The following B4GALT6 variants were observed in gnomAD, a reference collection of about 807,000 sequenced individuals.
B4GALT6 encodes beta-1,4-galactosyltransferase 6.
Under a neutral mutation model 46.3 loss-of-function variants are expected in B4GALT6, and 14 were observed. The observed-to-expected ratio is 0.30, with a 90% CI of 0.20 to 0.47. The LOEUF (loss-of-function observed/expected upper bound fraction) is 0.47. B4GALT6 is among the 20% of genes least tolerant of loss of function. The pLI, the probability that B4GALT6 is intolerant of heterozygous loss-of-function variation, is 0.99. For missense variants in B4GALT6, 386 were observed against 480.1 expected, an observed-to-expected ratio of 0.80 and a Z score of 1.83; for synonymous variants, 168 against 162.0, an observed-to-expected ratio of 1.04 and a Z score of -0.28.
intron 3 of B4GALT6, among the ~76,000 whole-genome samples, chr18:31,647,402 G>A (rs2074004027): frequency 6.6e-6 from 1 of 152,106 alleles, no homozygotes; most frequent in African/African-American, 2.4e-5. Flanking sequence ...AATAGAGAGG[G>A]CTTCCTCTGT....
chr18:31,665,618 T>C, intron 2 of B4GALT6, among the ~76,000 whole-genome samples: 1 of 152,146 alleles, frequency 6.6e-6, no homozygotes, highest in South Asian at 2.1e-4. Context: ...GATGGGCGCC[T>C]GTAATCCCAG....
the B4GALT6 span, among the ~76,000 whole-genome samples, chr18:31,691,728 A>G: frequency 6.6e-6 from 1 of 152,182 alleles, no homozygotes; most frequent in African/African-American, 2.4e-5. Context: ...TAATGAATTA[A>G]GATATAGGAT....
chr18:31,715,039 G>A, the B4GALT6 span, among the ~76,000 whole-genome samples: 1 of 152,158 alleles, frequency 6.6e-6, no homozygotes, highest in Non-Finnish European at 1.5e-5. Flanking sequence ...TATGCAATGT[G>A]TATTTTATCG....
chr18:31,650,435 A>G (rs2074050083), intron 3 of B4GALT6, among the ~76,000 whole-genome samples: 1 of 152,168 alleles, frequency 6.6e-6, no homozygotes, highest in South Asian at 2.1e-4. Context: ...TGGTCATATG[A>G]CCAAATGCAC....
chr18:31,662,193 C>G (rs192470947), intron 2 of B4GALT6, among the ~76,000 whole-genome samples: 1 of 152,160 alleles, frequency 6.6e-6, no homozygotes, highest in Admixed American at 6.5e-5. Context: ...CTTCAAGTTA[C>G]GCAATATCAT....
intron 3 of B4GALT6, 69 bp from the exon 4 acceptor site, chr18:31,645,548 A>C (rs562425613): frequency 1.3e-6 from 2 of 1,494,908 alleles, no homozygotes; most frequent in East Asian, 4.7e-5. Flanking sequence ...AACAAATAAT[A>C]ATCAGCAGGG....
Position 31,625,854 on chromosome 18 carries a change from A to G in B4GALT6, c.1002-93T>C, listed in dbSNP as rs150496041. 1,034 of 1,017,728 alleles carry G rather than the reference A, an allele frequency of 1.0e-3. 11 individuals are homozygous for G. The African/African-American group carries it at 0.015, about 15-fold the overall frequency. 63.0% of individuals were successfully genotyped at this position (1,017,728 alleles called of 1,614,324 possible). A position where few individuals can be genotyped will look rare whatever the true frequency, so the allele number is the denominator to read the frequency against. The stretch of plus-strand genomic sequence containing the variant: ...GTGTTCAAGGTCATCTTATAATTAA[A>G]GCACTTAATGCCCTTTACAATTTCT... On this transcript the variant is annotated intron_variant, in intron 8 of 8. Transcript: ENST00000306851.
the B4GALT6 span, among the ~76,000 whole-genome samples, chr18:31,713,979 T>G: frequency 6.6e-6 from 1 of 152,328 alleles, no homozygotes; most frequent in Non-Finnish European, 1.5e-5. Context: ...AAATCAGATT[T>G]GTTTGTTTTT....
chr18:31,666,560 GAATA>G (rs1222594132), intron 1 of B4GALT6, among the ~76,000 whole-genome samples, 188 bp from the exon 2 acceptor site: 2 of 150,878 alleles, frequency 1.3e-5, no homozygotes, highest in Non-Finnish European at 3.0e-5. Flanking sequence ...GATTTTTTAA[GAATA>G]AAAACAAAAA....
chr18:31,666,485 G>C (rs1187297808), intron 1 of B4GALT6, 113 bp from the exon 2 acceptor site: 2 of 430,102 alleles, frequency 4.7e-6, no homozygotes, highest in Non-Finnish European at 8.1e-6. Flanking sequence ...GACTCAATCA[G>C]CACGTCCAAA....
chr18:31,683,395 T>C (rs1598938664), intron 1 of B4GALT6, among the ~76,000 whole-genome samples: 1 of 152,318 alleles, frequency 6.6e-6, no homozygotes. Flanking sequence ...TACTAAGTAA[T>C]TGAACATTAA....
chr18:31,688,469 A>G (rs1470963755), upstream of B4GALT6, among the ~76,000 whole-genome samples: 1 of 151,926 alleles, frequency 6.6e-6, no homozygotes, highest in Non-Finnish European at 1.5e-5. Context: ...TAATAATTCT[A>G]TATATATGAA....
intron 1 of B4GALT6, among the ~76,000 whole-genome samples, chr18:31,683,501 C>A (rs754791946): frequency 1.1e-4 from 17 of 152,122 alleles, no homozygotes; most frequent in Non-Finnish European, 1.3e-4. Flanking sequence ...CTAGAATTAA[C>A]GCCGCATTGG....
intron 3 of B4GALT6, among the ~76,000 whole-genome samples, chr18:31,655,510 C>G (rs1246613870): frequency 6.6e-6 from 1 of 152,184 alleles, no homozygotes; most frequent in Non-Finnish European, 1.5e-5. Flanking sequence ...CCACGCACGA[C>G]GCAATCTCTC....
the B4GALT6 span, among the ~76,000 whole-genome samples, chr18:31,704,525 G>A: frequency 1.3e-5 from 2 of 152,040 alleles, no homozygotes; most frequent in South Asian, 4.1e-4. Flanking sequence ...TATATCAAAG[G>A]TCTGCATCTA....
the B4GALT6 span, among the ~76,000 whole-genome samples, chr18:31,703,146 A>G: frequency 6.6e-6 from 1 of 152,232 alleles, no homozygotes; most frequent in African/African-American, 2.4e-5. Context: ...TGGTTTAACA[A>G]AGCATCTTGA....
chr18:31,656,500 AATGT>A (rs2074141440), intron 3 of B4GALT6, among the ~76,000 whole-genome samples: 1 of 151,968 alleles, frequency 6.6e-6, no homozygotes, highest in Non-Finnish European at 1.5e-5. Context: ...AAATAATGAT[AATGT>A]ATTATCTTCA....
chr18:31,712,284 G>GTTTTTTTTT, the B4GALT6 span, among the ~76,000 whole-genome samples: 1 of 88,292 alleles, frequency 1.1e-5, no homozygotes, highest in African/African-American at 5.1e-5. Flanking sequence ...CTACTGGGAC[G>GTTTTTTTTT]TTATTTTTTT....
chr18:31,642,404 C>A (rs1292449311), intron 4 of B4GALT6, among the ~76,000 whole-genome samples: 2 of 152,160 alleles, frequency 1.3e-5, no homozygotes, highest in African/African-American at 4.8e-5. Flanking sequence ...CAAGACTCAT[C>A]TTTGAGGTAC....
Sources: allele counts gnomAD v4.1 joint callset (sites outside exome capture counted in the v4.1 genomes callset), GRCh38; gene constraint gnomAD v4.1.1; transcripts MANE v1.5; gene names NCBI Gene and HGNC (gene_info 2026-07-23, HGNC 2026-07-21).